The following PPFIBP2 variants were observed in gnomAD, a reference collection of about 807,000 sequenced individuals.
The protein encoded by PPFIBP2 is PPFIB scaffold protein 2.
In PPFIBP2, 118 loss-of-function variants were observed where a neutral mutation model predicts 118.3. The observed-to-expected ratio is 1.00, with a 90% CI of 0.86 to 1.16. The LOEUF (loss-of-function observed/expected upper bound fraction) is 1.16, where lower values mean the gene tolerates loss of function less well. Ranked by LOEUF, PPFIBP2 falls within the 50% of genes most tolerant of loss-of-function variation. The probability of loss-of-function intolerance (pLI) is 0.00; values close to 1 mark genes in which losing one functional copy is unlikely to be tolerated. For synonymous variants in PPFIBP2, 414 were observed against 397.4 expected, an observed-to-expected ratio of 1.04 and a Z score of -0.50; for missense variants, 1,195 against 1,073.1, an observed-to-expected ratio of 1.11 and a Z score of -1.59.
the PPFIBP2 span, chr11:7,666,603 C>T: frequency 1.5e-6 from 2 of 1,324,840 alleles, no homozygotes; most frequent in Non-Finnish European, 1.1e-6. Context: ...CTCTTGTTCC[C>T]TGGACTGACT....
chr11:7,609,562 T>C (rs1847814331), intron 5 of PPFIBP2, among the ~76,000 whole-genome samples: 1 of 152,228 alleles, frequency 6.6e-6, no homozygotes, highest in Non-Finnish European at 1.5e-5. Flanking sequence ...ATGAAGTGTT[T>C]TTATTAGTGA....
intron 1 of PPFIBP2, among the ~76,000 whole-genome samples, chr11:7,536,519 C>T (rs539077069): frequency 6.6e-6 from 1 of 151,962 alleles, no homozygotes; most frequent in East Asian, 1.9e-4. Flanking sequence ...GATTAGGGGT[C>T]ACAGGGAGGA....
At chr11:7,534,378 G>A (rs1257574729) in intron 1 of PPFIBP2, among the ~76,000 whole-genome samples, 4 of 152,184 alleles carry the variant, frequency 2.6e-5, no homozygotes, top group Non-Finnish European at 5.9e-5. Context: ...GGCAATTTTT[G>A]AGATGAAGCT....
chr11:7,612,649 A>G (rs2135512492), intron 6 of PPFIBP2, among the ~76,000 whole-genome samples: 1 of 152,324 alleles, frequency 6.6e-6, no homozygotes, highest in African/African-American at 2.4e-5. Context: ...ACATAAGGCG[A>G]CGTAGACCCT....
chr11:7,562,976 T>TATATATAC (rs1554953438), intron 2 of PPFIBP2, among the ~76,000 whole-genome samples: 3 of 100,470 alleles, frequency 3.0e-5, no homozygotes, highest in African/African-American at 9.9e-5. Context: ...TATATATATA[T>TATATATAC]ACACGCACAC....
At chr11:7,542,461 GT>G (rs1237356652) in intron 1 of PPFIBP2, among the ~76,000 whole-genome samples, 1 of 152,140 alleles carries the variant, frequency 6.6e-6, no homozygotes, top group East Asian at 1.9e-4. Flanking sequence ...ATAATTGTAT[GT>G]AATTTGTTAA....
chr11:7,653,987 C>A (rs1292396248), downstream of PPFIBP2, among the ~76,000 whole-genome samples: 1 of 152,126 alleles, frequency 6.6e-6, no homozygotes, highest in African/African-American at 2.4e-5. Context: ...CTCTGTGAAG[C>A]CGAGGGGGCT....
rs1554958757 is a variant in PPFIBP2 at position 7,577,326 on chromosome 11, T to TGC, written c.279+11560_279+11561insCG. On this transcript the variant is annotated intron_variant, in intron 3 of 23. Transcript: ENST00000299492. ...GTGTGCGTGCATGTATGTGCGTGTGTGTGTGTGTGTGTGTGTGTGTGTGTG... is the reference window on the plus strand; with the variant it reads ...GTGTGCGTGCATGTATGTGCGTGTGTGCGTGTGTGTGTGTGTGTGTGTGTGTG... The TGC allele has an allele frequency of 1.1e-3, 316 of 283,984 alleles. 1 individual carries two copies. Among genetic ancestry groups the TGC allele is most frequent in the Middle Eastern group, 6.4e-3 (5 of 778 alleles). The allele number at this position is 283,984 out of a possible 1,614,324, so 17.6% of individuals were successfully genotyped here. A position where few individuals can be genotyped will look rare whatever the true frequency, so the allele number is the denominator to read the frequency against.
intron 17 of PPFIBP2, among the ~76,000 whole-genome samples, chr11:7,643,823 T>A (rs1244198885): frequency 6.6e-6 from 1 of 152,212 alleles, no homozygotes; most frequent in East Asian, 1.9e-4. Flanking sequence ...AATTGATTTT[T>A]TTTTAAATAT....
intron 2 of PPFIBP2, among the ~76,000 whole-genome samples, chr11:7,553,833 G>T (rs186483818): frequency 7.1e-4 from 108 of 152,216 alleles, no homozygotes; most frequent in African/African-American, 2.3e-3. Context: ...TCTCTTCCAG[G>T]CTCCTTTTAT....
the PPFIBP2 span, chr11:7,665,961 C>T: frequency 6.6e-7 from 1 of 1,520,846 alleles, no homozygotes; most frequent in Non-Finnish European, 8.8e-7. Flanking sequence ...GCAGGTACAG[C>T]CGGGAGCAGT....
intron 3 of PPFIBP2, among the ~76,000 whole-genome samples, chr11:7,584,856 T>C (rs1015534992): frequency 1.4e-4 from 22 of 152,204 alleles, no homozygotes; most frequent in African/African-American, 4.8e-4. Context: ...CTTTGATATC[T>C]CCCCTGATGC....
intron 14 of PPFIBP2, among the ~76,000 whole-genome samples, chr11:7,638,284 G>T (rs186965801): frequency 6.6e-6 from 1 of 152,294 alleles, no homozygotes; most frequent in African/African-American, 2.4e-5. Flanking sequence ...GAAACTGTGG[G>T]TCTTGACCGT....
At chr11:7,648,758 C>A in intron 18 of PPFIBP2, 42 bp from the exon 19 acceptor site, 1 of 1,586,546 alleles carries the variant, frequency 6.3e-7, no homozygotes, top group Non-Finnish European at 8.7e-7. Flanking sequence ...GGCCAAATTG[C>A]CTGCCAAAAT....
chr11:7,524,035 T>G (rs1286145632), intron 1 of PPFIBP2, among the ~76,000 whole-genome samples: 1 of 152,190 alleles, frequency 6.6e-6, no homozygotes, highest in East Asian at 1.9e-4. Context: ...CTTAGCAAAC[T>G]TCTCCAAGTT....
At chr11:7,626,302 A>G (rs1271705298) in intron 8 of PPFIBP2, among the ~76,000 whole-genome samples, 1 of 152,228 alleles carries the variant, frequency 6.6e-6, no homozygotes, top group Non-Finnish European at 1.5e-5. Flanking sequence ...TACCTGCCTG[A>G]TGCCTGTATA....
chr11:7,652,659 G>A (rs1282490697), intron 23 of PPFIBP2, among the ~76,000 whole-genome samples: 3 of 152,208 alleles, frequency 2.0e-5, no homozygotes, highest in Non-Finnish European at 2.9e-5. Flanking sequence ...AAGGGTTGGG[G>A]TGCCAGCAGC....
intron 5 of PPFIBP2, chr11:7,605,978 G>A (rs1847289827): frequency 2.6e-6 from 4 of 1,535,526 alleles, no homozygotes; most frequent in Non-Finnish European, 3.5e-6. Flanking sequence ...TTAATAACAA[G>A]GATGTGGAAG....
the PPFIBP2 span, chr11:7,666,539 ATCC>A: frequency 2.5e-6 from 4 of 1,612,994 alleles, no homozygotes; most frequent in South Asian, 3.3e-5. Flanking sequence ...TGACCAAGAT[ATCC>A]TCCTCTGTCT....
Sources: allele counts gnomAD v4.1 joint callset (sites outside exome capture counted in the v4.1 genomes callset), GRCh38; gene constraint gnomAD v4.1.1; transcripts MANE v1.5; gene names NCBI Gene and HGNC (gene_info 2026-07-23, HGNC 2026-07-21).